CNKSR1: variants seen among roughly 807,000 people sequenced by gnomAD.
CNKSR1 encodes the protein CNK homolog protein 1.
In CNKSR1, 88 loss-of-function variants were observed where a neutral mutation model predicts 95.6. The ratio of observed to expected loss-of-function variants is 0.92; its 90% confidence interval spans 0.78 to 1.10. The LOEUF is 1.10. CNKSR1 is among the 50% of genes least tolerant of loss of function. The pLI, the probability that CNKSR1 is intolerant of heterozygous loss-of-function variation, is 0.00. For synonymous variants in CNKSR1, 355 were observed against 369.7 expected, an observed-to-expected ratio of 0.96 and a Z score of 0.46; for missense variants, 836 against 912.0, an observed-to-expected ratio of 0.92 and a Z score of 1.07.
At chr1:26,178,173 C>A (rs1313111449) in intron 1 of CNKSR1, among the ~76,000 whole-genome samples, 1 of 152,172 alleles carries the variant, frequency 6.6e-6, no homozygotes. Flanking sequence ...GAGGCGGTGT[C>A]ATGAAAACAG....
chr1:26,182,521 C>T lies in CNKSR1; in HGVS notation c.561C>T (p.Cys187=). 1 of 1,614,010 alleles carries T rather than the reference C, an allele frequency of 6.2e-7. No homozygotes were observed. The highest frequency in any genetic ancestry group is 8.5e-7 in the Non-Finnish European group (1 of 1,179,992). The change falls in exon 6 of 21, where the codon TGC becomes TGT. Residue 187 remains cysteine, a synonymous_variant. Coordinates refer to ENST00000361530, the MANE Select transcript of CNKSR1 (RefSeq NM_006314.3). ...VAGICHNILV[C]CPKELLEQKA... is the part of the protein sequence containing the mutation. ...GGATCTGCCACAACATCCTGGTCTG[C>T]TGCCCCAAGGAGCTGCTGGAACAGA...
At chr1:26,189,024 C>T (rs1315873249) in intron 20 of CNKSR1, 71 bp downstream of exon 20, 64 of 1,512,162 alleles carry the variant, frequency 4.2e-5, no homozygotes, top group Non-Finnish European at 4.6e-5. Context: ...GCGGCTGTCA[C>T]CTCCACCCTG....
At chr1:26,180,361 C>T (rs2088622851) in intron 1 of CNKSR1, 92 bp from the exon 2 acceptor site, 1 of 1,493,560 alleles carries the variant, frequency 6.7e-7, no homozygotes, top group Non-Finnish European at 9.3e-7. Flanking sequence ...TAGGGTTAGA[C>T]TAGAGGGAAA....
chr1:26,180,262 A>G (rs1889737), intron 1 of CNKSR1, 191 bp from the exon 2 acceptor site: 137,304 of 671,170 alleles, frequency 0.2, 24,835 homozygotes, highest in East Asian at 0.66. Flanking sequence ...GGCCACTTTT[A>G]AGAACCCATG....
rs376489686 is a variant in CNKSR1, at chr1:26,189,722, C to G, written c.*174C>G. ...GCCTGGGCTTTGTGCCACCCTCTCCCTTGCCAAAGAAGAAACTCTCCCCCC... is the reference window on the plus strand; with the variant it reads ...GCCTGGGCTTTGTGCCACCCTCTCCGTTGCCAAAGAAGAAACTCTCCCCCC... On this transcript the variant is annotated 3_prime_UTR_variant, in exon 21 of 21. Coordinates refer to ENST00000361530, the MANE Select transcript of CNKSR1 (RefSeq NM_006314.3). The G allele has an allele frequency of 2.8e-6, 2 of 716,260 alleles. No individual in the cohort carries two copies. Among genetic ancestry groups the G allele is most frequent in the Non-Finnish European group, 2.5e-6 (1 of 392,910 alleles). 44.4% of individuals were successfully genotyped at this position (716,260 alleles called of 1,614,324 possible).
Position 26,188,487 on chromosome 1 carries a change from G to A in CNKSR1, c.1574G>A (p.Gly525Glu). The A allele has an allele frequency of 6.2e-7, 1 of 1,604,910 alleles. No homozygotes were observed. Residue 525 changes from glycine (G) to glutamate (E), a missense_variant, in exon 18 of 21, where the codon GGG (glycine) becomes GAG (glutamate). By Grantham distance (98) the Gly-to-Glu change is moderately conservative. Coordinates refer to ENST00000361530, the MANE Select transcript of CNKSR1 (RefSeq NM_006314.3). ...TEAEDPDDEA[G>E]SHSASPSPAQ... ...GCAGAGGACCCGGACGATGAGGCTG[G>A]GTCCCACTCAGCCTCGGTGAGTGGG...
chr1:26,180,901 C>G lies in CNKSR1; in HGVS notation c.392+5C>G, dbSNP rs753277771. 5.0e-6 allele frequency: 8 copies of G among 1,614,006 alleles called. No individual in the cohort carries two copies. The African/African-American group carries it at 9.3e-5, about 19-fold the overall frequency. ...CCTCCTCTTCTGGCTCAGCAGGTAC[C>G]CGGGTTGGGGTGACGAGTGAGGGAC... On this transcript the variant is annotated splice_donor_5th_base_variant and intron_variant, in intron 3 of 20. Transcript: ENST00000361530.
intron 3 of CNKSR1, 200 bp downstream of exon 3, chr1:26,181,096 A>G (rs12044058): frequency 0.18 from 108,360 of 618,532 alleles, 18,171 homozygotes; most frequent in East Asian, 0.67. Context: ...CCTGGCCAAC[A>G]TGGTGAAACC....
At chr1:26,182,259 G>T in intron 4 of CNKSR1, 102 bp from the exon 5 acceptor site, 1 of 1,197,790 alleles carries the variant, frequency 8.3e-7, no homozygotes, top group South Asian at 1.3e-5. Flanking sequence ...TGTAGGGAAG[G>T]CAGGGAGGGA....
At chr1:26,185,851 C>G (rs1043001670) in intron 14 of CNKSR1, among the ~76,000 whole-genome samples, 1 of 152,144 alleles carries the variant, frequency 6.6e-6, no homozygotes, top group African/African-American at 2.4e-5. Flanking sequence ...GTCTATTCTG[C>G]CCACTTCTCC....
At position 26,185,163 on chromosome 1, in the gene CNKSR1, C is replaced by A; in HGVS notation, c.1285C>A (p.Leu429Ile). The A allele has an allele frequency of 6.4e-7, 1 of 1,561,960 alleles. No individual in the cohort carries two copies. Among genetic ancestry groups the A allele is most frequent in the Non-Finnish European group, 8.7e-7 (1 of 1,153,226 alleles). ...CTGGTTTGTGCTCAAGGGACACACG[C>A]TCTACTGGTACCGCCAGCCCCAGGT... ...RRWFVLKGHT[L>I]YWYRQPQDEK... Residue 429 changes from leucine to isoleucine, a missense_variant, in exon 14 of 21, where the codon CTC becomes ATC. Coordinates refer to ENST00000361530, the MANE Select transcript of CNKSR1 (RefSeq NM_006314.3).
In CNKSR1 at chr1:26,188,258, C is replaced by T. The variant is rs1179978756; in HGVS notation, c.1479C>T (p.Cys493=). The part of the protein sequence containing the change: ...LSMWVRHLIT[C]ISKYQSPGRA... ...GGTGGGTGCGTCATCTCATTACCTG[C>T]ATCTCCAAGTACCAGTCTCCAGGCC... Residue 493 remains cysteine, a synonymous_variant, in exon 17 of 21, where the codon TGC becomes TGT. Transcript: ENST00000361530. 2 of 1,614,136 alleles carry T rather than the reference C, an allele frequency of 1.2e-6. No individual in the cohort carries two copies. Among genetic ancestry groups the T allele is most frequent in the Admixed American group, 3.3e-5 (2 of 60,016 alleles).
intron 14 of CNKSR1, among the ~76,000 whole-genome samples, chr1:26,186,069 T>G (rs2088745006): frequency 6.6e-6 from 1 of 152,070 alleles, no homozygotes; most frequent in Non-Finnish European, 1.5e-5. Context: ...AGGGACCGTG[T>G]GCTAAGATAA....
intron 20 of CNKSR1, 130 bp from the exon 21 acceptor site, chr1:26,189,149 C>T: frequency 7.5e-7 from 1 of 1,329,850 alleles, no homozygotes; most frequent in Non-Finnish European, 1.1e-6. Context: ...TTGAGTCTCA[C>T]CTAGGCTCCT....
Position 26,188,259 on chromosome 1 carries a change from A to G in CNKSR1, c.1480A>G (p.Ile494Val), listed in dbSNP as rs749073890. 6.2e-7 allele frequency: 1 copy of G among 1,613,996 alleles called. No individual in the cohort carries two copies. The highest frequency in any genetic ancestry group is 8.5e-7 in the Non-Finnish European group (1 of 1,179,998). ...GTGGGTGCGTCATCTCATTACCTGC[A>G]TCTCCAAGTACCAGTCTCCAGGCCG... ...SMWVRHLITC[I>V]SKYQSPGRAP... Residue 494 changes from isoleucine (I) to valine (V), a missense_variant, in exon 17 of 21, where the codon ATC becomes GTC. Coordinates refer to ENST00000361530, the MANE Select transcript of CNKSR1 (RefSeq NM_006314.3).
At chr1:26,180,373 G>T in intron 1 of CNKSR1, 80 bp from the exon 2 acceptor site, 1 of 1,553,208 alleles carries the variant, frequency 6.4e-7, no homozygotes, top group Non-Finnish European at 8.9e-7. Flanking sequence ...AGAGGGAAAA[G>T]AGCTTTGCAG....
intron 19 of CNKSR1, 35 bp downstream of exon 19, chr1:26,188,732 T>G (rs376922952): frequency 1.2e-6 from 2 of 1,611,404 alleles, no homozygotes; most frequent in Non-Finnish European, 1.7e-6. Context: ...GGCTGGGGGC[T>G]GGGGTGGGCA....
At chr1:26,187,619 T>TA in intron 16 of CNKSR1, 137 bp downstream of exon 16, 7 of 623,286 alleles carry the variant, frequency 1.1e-5, no homozygotes, top group Non-Finnish European at 1.9e-5. Context: ...CTTCTCTTTC[T>TA]CTTTTTTTTT....
In CNKSR1 at chr1:26,188,580, T is replaced by C. The variant is rs1244036181; in HGVS notation, c.1591-18T>C. 13 of 1,613,280 alleles carry C rather than the reference T, an allele frequency of 8.1e-6. No individual in the cohort carries two copies. Among genetic ancestry groups the C allele is most frequent in the Non-Finnish European group, 1.0e-5 (12 of 1,179,692 alleles). ...GAGCTCAGACAGAAACCCTCTGTGC[T>C]TTCCACCCTGCCTGCAGCCCAGCCC... On this transcript the variant is annotated intron_variant, in intron 18 of 20. Coordinates refer to ENST00000361530, the MANE Select transcript of CNKSR1 (RefSeq NM_006314.3).
Sources: allele counts gnomAD v4.1 joint callset (sites outside exome capture counted in the v4.1 genomes callset), GRCh38; gene constraint gnomAD v4.1.1; transcripts MANE v1.5; gene names NCBI Gene and HGNC (gene_info 2026-07-23, HGNC 2026-07-21).